Variants in SIPA1L3 observed in about 807,000 individuals in gnomAD.
SIPA1L3 encodes signal induced proliferation associated 1 like 3.
A neutral mutation model predicts 150.1 loss-of-function variants in SIPA1L3; 59 were observed. That is an observed-to-expected ratio of 0.39 (90% CI 0.32 to 0.49). The LOEUF (loss-of-function observed/expected upper bound fraction) is 0.49, where lower values mean the gene tolerates loss of function less well. SIPA1L3 is among the 20% of genes least tolerant of loss of function. SIPA1L3 has a pLI of 0.86. For missense variants in SIPA1L3, 2,211 were observed against 2,489.5 expected, an observed-to-expected ratio of 0.89 and a Z score of 2.38; for synonymous variants, 1,070 against 1,077.6, an observed-to-expected ratio of 0.99 and a Z score of 0.14.
At chr19:38,015,253 T>C (rs1968205790) in intron 1 of SIPA1L3, among the ~76,000 whole-genome samples, 1 of 152,226 alleles carries the variant, frequency 6.6e-6, no homozygotes, top group South Asian at 2.1e-4. Context: ...CAAAACCAAC[T>C]TAAACTGTTT....
chr19:38,002,717 CAAAAAAAAAAAAA>C (rs55737969), intron 1 of SIPA1L3, among the ~76,000 whole-genome samples: 1 of 61,420 alleles, frequency 1.6e-5, no homozygotes, highest in Non-Finnish European at 2.9e-5. Flanking sequence ...GACTCCATCT[CAAAAAAAAAAAAA>C]AAAAAAAAAA....
At position 38,033,258 on chromosome 19, in the gene SIPA1L3, G is replaced by A. The variant is rs150264906; in HGVS notation, c.-311+4102G>A. 1.0e-3 allele frequency among the ~76,000 whole-genome samples: 153 copies of A among 152,352 alleles called. 2 individuals carry two copies. In the East Asian group the frequency reaches 0.019, roughly 19 times the overall value. On this transcript the variant is annotated intron_variant, in intron 2 of 21. Coordinates refer to ENST00000222345, the MANE Select transcript of SIPA1L3 (RefSeq NM_015073.3). ...GTCCATTGAACCCAAATTATGCAAC[G>A]TCAGATAATGAATGACTGTGACTAT...
chr19:38,121,806 A>G (rs1355954228), intron 9 of SIPA1L3, among the ~76,000 whole-genome samples: 1 of 152,062 alleles, frequency 6.6e-6, no homozygotes, highest in Non-Finnish European at 1.5e-5. Flanking sequence ...TGTGGCCTCA[A>G]CTATTCAGGA....
At chr19:37,943,940 T>G (rs191964559) in intron 1 of SIPA1L3, among the ~76,000 whole-genome samples, 1 of 152,200 alleles carries the variant, frequency 6.6e-6, no homozygotes, top group East Asian at 1.9e-4. Flanking sequence ...TGCTTTAAAA[T>G]GTACAGAAGC....
In SIPA1L3 at chr19:38,119,833, C is replaced by A. The variant is rs776638917; in HGVS notation, c.2819C>A (p.Ala940Glu). ...CGAGGAGACCACATCTTCCTACAGG[C>A]GACAGAGGGTTCTGTGGAGGACATA... Reference protein sequence around the residue: ...YGRGDHIFLQATEGSVEDIRE... With the variant: ...YGRGDHIFLQETEGSVEDIRE... The change falls in exon 9 of 22, where the codon GCG (alanine) becomes GAG (glutamate). Residue 940 changes from alanine to glutamate, a missense_variant. Around this residue, in one of 5 missense-constraint regions of SIPA1L3, gnomAD observed 625 missense variants for 804.2 expected, o/e 0.78. Transcript: ENST00000222345. 1 of 1,613,130 alleles carries A rather than the reference C, an allele frequency of 6.2e-7. No individual in the cohort carries two copies. The highest frequency in any genetic ancestry group is 1.7e-5 in the Admixed American group (1 of 59,986).
chr19:38,117,702 T>G (rs1253631285), intron 8 of SIPA1L3, among the ~76,000 whole-genome samples: 1 of 152,110 alleles, frequency 6.6e-6, no homozygotes, highest in African/African-American at 2.4e-5. Context: ...CCCACCAGCT[T>G]TCTCCACAAG....
intron 12 of SIPA1L3, among the ~76,000 whole-genome samples, chr19:38,150,702 G>A (rs1971803148): frequency 6.6e-6 from 1 of 151,856 alleles, no homozygotes; most frequent in South Asian, 2.1e-4. Flanking sequence ...CACCACACCT[G>A]GCTAATTTTT....
chr19:38,106,292 A>C (rs958965834), intron 6 of SIPA1L3: 1 of 371,758 alleles, frequency 2.7e-6, no homozygotes, highest in Non-Finnish European at 5.0e-6. Context: ...CTTTTAGTAG[A>C]GACGGGGTTT....
Position 37,939,421 on chromosome 19 carries a change from G to A in SIPA1L3, c.-379+32063G>A, listed in dbSNP as rs202042171. Among the ~76,000 whole-genome samples, 241 of 129,398 alleles carry A rather than the reference G, an allele frequency of 1.9e-3. 1 individual carries two copies. The highest frequency in any genetic ancestry group is 7.2e-3 in the African/African-American group (225 of 31,290). The allele number at this position is 129,398 out of a possible 152,430, so 84.9% of individuals were successfully genotyped here. A position where few individuals can be genotyped will look rare whatever the true frequency, so the allele number is the denominator to read the frequency against. On this transcript the variant is annotated intron_variant, in intron 1 of 21. Coordinates refer to ENST00000222345, the MANE Select transcript of SIPA1L3 (RefSeq NM_015073.3). ...TGTCAAAAAAAAAAAAAAAAAAAAAGGATTAGTTTCAACCGCATATAATTT... is the reference window on the plus strand; with the variant it reads ...TGTCAAAAAAAAAAAAAAAAAAAAAAGATTAGTTTCAACCGCATATAATTT...
chr19:38,066,193 A>G (rs530329794), intron 2 of SIPA1L3, among the ~76,000 whole-genome samples: 2 of 151,408 alleles, frequency 1.3e-5, no homozygotes, highest in African/African-American at 4.8e-5. Context: ...TAAAAAAAAA[A>G]TTTTTGTAGA....
chr19:37,983,114 A>T (rs1038240777), intron 1 of SIPA1L3, among the ~76,000 whole-genome samples: 2 of 152,242 alleles, frequency 1.3e-5, no homozygotes, highest in Non-Finnish European at 2.9e-5. Flanking sequence ...CTGGCTGTGC[A>T]GTAGGTTTTA....
At chr19:38,195,535 G>A (rs977978895) in intron 18 of SIPA1L3, among the ~76,000 whole-genome samples, 2 of 152,178 alleles carry the variant, frequency 1.3e-5, no homozygotes, top group Middle Eastern at 3.4e-3. Flanking sequence ...TCCTTCCTCG[G>A]CCTCTCCTCC....
At chr19:38,055,669 G>A (rs769953003) in intron 2 of SIPA1L3, among the ~76,000 whole-genome samples, 5 of 152,242 alleles carry the variant, frequency 3.3e-5, no homozygotes, top group Non-Finnish European at 7.3e-5. Flanking sequence ...ACCAGCAGTG[G>A]AGCCTGAGGT....
intron 1 of SIPA1L3, among the ~76,000 whole-genome samples, chr19:37,950,777 T>G (rs2046756951): frequency 6.6e-6 from 1 of 152,226 alleles, no homozygotes; most frequent in Non-Finnish European, 1.5e-5. Context: ...CATGCGGCAC[T>G]TTTCCTTCTT....
intron 1 of SIPA1L3, among the ~76,000 whole-genome samples, chr19:37,982,599 T>C (rs1967229376): frequency 6.6e-6 from 1 of 152,110 alleles, no homozygotes; most frequent in Non-Finnish European, 1.5e-5. Flanking sequence ...CAAAGCTAGT[T>C]AGGGGCAGCC....
rs758262644 is a variant in SIPA1L3 at position 38,164,568 on chromosome 19, C to T, written c.3870C>T (p.Pro1290=). 2 of 1,614,084 alleles carry T rather than the reference C, an allele frequency of 1.2e-6. No homozygotes were observed. Among genetic ancestry groups the T allele is most frequent in the Non-Finnish European group, 1.7e-6 (2 of 1,179,988 alleles). The change falls in exon 15 of 22, where the codon CCC becomes CCT. Residue 1290 remains proline, a synonymous_variant. Transcript: ENST00000222345. The surrounding 1 kb of genome is among the most constrained non-coding windows in gnomAD (Gnocchi z 4.1). ...ACAGCGACGACCGCTGGTTCGACCC[C>T]CTGGACCCCCTGGAGCCAGAGCAAG... ...SSHSDDRWFD[P]LDPLEPEQDP... is the part of the protein sequence containing the mutation.
At chr19:37,989,907 C>G (rs1433140609) in intron 1 of SIPA1L3, among the ~76,000 whole-genome samples, 1 of 152,162 alleles carries the variant, frequency 6.6e-6, no homozygotes, top group East Asian at 1.9e-4. Context: ...GCCTTGGCTT[C>G]CCGTGCACTC....
intron 9 of SIPA1L3, among the ~76,000 whole-genome samples, chr19:38,120,307 A>G (rs1249843258): frequency 1.3e-5 from 2 of 151,952 alleles, no homozygotes; most frequent in African/African-American, 4.8e-5. Context: ...ACAAAAAAAA[A>G]AAAAAGAAAA....
At chr19:37,924,474 A>G (rs889206022) in intron 1 of SIPA1L3, among the ~76,000 whole-genome samples, 5 of 149,748 alleles carry the variant, frequency 3.3e-5, no homozygotes, top group African/African-American at 9.9e-5. Context: ...AATAAAAAGT[A>G]TATATACAGA....
Sources: allele counts gnomAD v4.1 joint callset (sites outside exome capture counted in the v4.1 genomes callset), GRCh38; gene constraint gnomAD v4.1.1; regional missense constraint gnomAD v4.1.1; non-coding constraint Gnocchi (gnomAD v3.1); transcripts MANE v1.5; gene names NCBI Gene and HGNC (gene_info 2026-07-23, HGNC 2026-07-21).